Variants in TSKS observed in about 807,000 individuals in gnomAD.
TSKS encodes the protein testis-specific serine kinase substrate.
In TSKS, 27 loss-of-function variants were observed where a neutral mutation model predicts 68.0. The observed-to-expected ratio is 0.40, with a 90% CI of 0.29 to 0.55. TSKS has a LOEUF of 0.55. TSKS is among the 20% of genes least tolerant of loss of function. The probability of loss-of-function intolerance (pLI) is 0.53; values close to 1 mark genes in which losing one functional copy is unlikely to be tolerated. For synonymous variants in TSKS, 331 were observed against 340.4 expected, an observed-to-expected ratio of 0.97 and a Z score of 0.30; for missense variants, 806 against 776.0, an observed-to-expected ratio of 1.04 and a Z score of -0.46.
intron 2 of TSKS, among the ~76,000 whole-genome samples, chr19:49,751,925 G>C (rs976322626): frequency 1.5e-5 from 2 of 131,390 alleles, no homozygotes; most frequent in East Asian, 4.6e-4. Context: ...AAAAAAAAAA[G>C]TAGCCAGGTG....
chr19:49,748,205 C>A (rs552270017), intron 3 of TSKS, 37 bp from the exon 4 acceptor site: 1 of 1,607,566 alleles, frequency 6.2e-7, no homozygotes, highest in Non-Finnish European at 8.5e-7. Flanking sequence ...GCCAAGGACA[C>A]GAGGGGACAG....
intron 1 of TSKS, among the ~76,000 whole-genome samples, 154 bp from the exon 2 acceptor site, chr19:49,762,386 T>C (rs2084450084): frequency 6.6e-6 from 1 of 151,044 alleles, no homozygotes; most frequent in Non-Finnish European, 1.5e-5. Flanking sequence ...TTTATTCTCC[T>C]TCCCTGTGCT....
intron 2 of TSKS, among the ~76,000 whole-genome samples, chr19:49,754,428 G>A (rs1049191341): frequency 2.0e-5 from 3 of 151,802 alleles, no homozygotes; most frequent in African/African-American, 7.3e-5. Context: ...GAACCTGGGA[G>A]TCAGAGGTTG....
Position 49,741,864 on chromosome 19 carries a change from G to A in TSKS, c.1497+21C>T, listed in dbSNP as rs780122398. On this transcript the variant is annotated intron_variant, in intron 9 of 10. Coordinates refer to ENST00000246801, the MANE Select transcript of TSKS (RefSeq NM_021733.2). ...CAACAGAAAAGTAAAGTGGGACATG[G>A]TGGCCCATATTCCCTGGTACCAGAA... 6 of 1,613,962 alleles carry A rather than the reference G, an allele frequency of 3.7e-6. No homozygotes were observed. The Admixed American group carries it at 1.0e-4, about 27-fold the overall frequency.
intron 2 of TSKS, among the ~76,000 whole-genome samples, chr19:49,756,000 C>CAAAAA: frequency 1.3e-5 from 2 of 148,854 alleles, no homozygotes; most frequent in South Asian, 4.3e-4. Context: ...GACTCCATCT[C>CAAAAA]AAAAAAAAAG....
intron 9 of TSKS, among the ~76,000 whole-genome samples, chr19:49,741,262 T>G (rs2084249813): frequency 6.6e-6 from 1 of 152,168 alleles, no homozygotes; most frequent in Non-Finnish European, 1.5e-5. Flanking sequence ...TTTCCTCTCA[T>G]GTATTAGTCC....
Position 49,752,308 on chromosome 19 carries a change from C to T in TSKS, c.400-3839G>A, listed in dbSNP as rs1321924531. The stretch of plus-strand genomic sequence containing the variant: ...CTGAGGCAGGAGAATCGCTTGAACC[C>T]GGGAGGTGGAGGTCGCAGTGAACCG... On this transcript the variant is annotated intron_variant, in intron 2 of 10. Coordinates refer to ENST00000246801, the MANE Select transcript of TSKS (RefSeq NM_021733.2). Among the ~76,000 whole-genome samples the T allele has an allele frequency of 8.0e-5, 12 of 149,934 alleles. No homozygotes were observed. In the South Asian group the frequency reaches 1.7e-3, roughly 21 times the overall value.
intron 2 of TSKS, among the ~76,000 whole-genome samples, chr19:49,750,404 G>A (rs2084340431): frequency 1.3e-5 from 2 of 151,754 alleles, no homozygotes; most frequent in East Asian, 1.9e-4. Context: ...GACTACGGGC[G>A]TGCACCACCA....
intron 2 of TSKS, among the ~76,000 whole-genome samples, chr19:49,748,794 C>T (rs550199139): frequency 6.6e-6 from 1 of 151,992 alleles, no homozygotes; most frequent in Non-Finnish European, 1.5e-5. Flanking sequence ...GGGCCAGGTG[C>T]CGTGGCTCAC....
intron 2 of TSKS, among the ~76,000 whole-genome samples, chr19:49,759,210 C>A (rs1263373094): frequency 2.6e-5 from 4 of 151,208 alleles, no homozygotes; most frequent in Non-Finnish European, 4.4e-5. Flanking sequence ...GTGGCTCATG[C>A]CTGTAATCCC....
chr19:49,762,066 C>T lies in TSKS; in HGVS notation c.337G>A (p.Gly113Arg). The T allele has an allele frequency of 6.2e-7, 1 of 1,614,134 alleles. No homozygotes were observed. Among genetic ancestry groups the T allele is most frequent in the Non-Finnish European group, 8.5e-7 (1 of 1,180,022 alleles). Residue 113 changes from glycine to arginine, a missense_variant, in exon 2 of 11, where the codon GGG (glycine) becomes AGG (arginine). Transcript: ENST00000246801. The stretch of plus-strand genomic sequence containing the variant: ...GGTAGGGTAGGGGAGGCAGGGGGCC[C>T]AGCCAGTGTGAGTTGGCCGCTGAGG... Reference protein sequence around the residue: ...EDLSGQLTLAGPPASPTLPWD... With the variant: ...EDLSGQLTLARPPASPTLPWD...
chr19:49,751,571 G>A (rs1173213146), intron 2 of TSKS, among the ~76,000 whole-genome samples: 1 of 152,058 alleles, frequency 6.6e-6, no homozygotes, highest in East Asian at 1.9e-4. Flanking sequence ...TTCCCACAGG[G>A]AGGAAGCAGA....
intron 2 of TSKS, among the ~76,000 whole-genome samples, chr19:49,749,903 C>T (rs1213393357): frequency 3.3e-5 from 5 of 152,064 alleles, no homozygotes; most frequent in Non-Finnish European, 7.4e-5. Context: ...AGCCACTGTG[C>T]CCAGCCTCCT....
chr19:49,754,385 G>A (rs1260125684), intron 2 of TSKS, among the ~76,000 whole-genome samples: 2 of 151,782 alleles, frequency 1.3e-5, no homozygotes, highest in Non-Finnish European at 2.9e-5. Context: ...TGTAATCCCA[G>A]CTACTGGGGA....
intron 2 of TSKS, among the ~76,000 whole-genome samples, chr19:49,761,294 G>T (rs1273633): frequency 0.032 from 4,831 of 151,388 alleles, 262 homozygotes; most frequent in African/African-American, 0.11. Flanking sequence ...GAAGCCAGGT[G>T]GGGGGTGAGG....
chr19:49,744,180 CCTT>C, intron 8 of TSKS, 48 bp downstream of exon 8: 1 of 1,578,574 alleles, frequency 6.3e-7, no homozygotes, highest in Non-Finnish European at 8.7e-7. Context: ...TTCCGCATCT[CCTT>C]TAATGTCCTA....
chr19:49,762,338 G>A (rs1600204438), intron 1 of TSKS, 106 bp from the exon 2 acceptor site: 2 of 758,062 alleles, frequency 2.6e-6, no homozygotes, highest in South Asian at 3.5e-5. Flanking sequence ...CACCCTCACT[G>A]TATATAAGTT....
chr19:49,753,289 G>T (rs149495250), intron 2 of TSKS, among the ~76,000 whole-genome samples: 1 of 152,024 alleles, frequency 6.6e-6, no homozygotes, highest in Non-Finnish European at 1.5e-5. Context: ...TAGGCCGGGC[G>T]TGTTGGCTCA....
At chr19:49,761,887 G>A (rs965702171) in intron 2 of TSKS, 117 bp downstream of exon 2, 34 of 801,530 alleles carry the variant, frequency 4.2e-5, no homozygotes, top group Middle Eastern at 7.6e-4. Flanking sequence ...TCTGGGTCTC[G>A]AATGACCAGA....
Sources: allele counts gnomAD v4.1 joint callset (sites outside exome capture counted in the v4.1 genomes callset), GRCh38; gene constraint gnomAD v4.1.1; transcripts MANE v1.5; gene names NCBI Gene and HGNC (gene_info 2026-07-23, HGNC 2026-07-21).